The following MIER2 variants were observed in gnomAD, a reference collection of about 807,000 sequenced individuals.
MIER2 encodes the protein mesoderm induction early response protein 2.
MIER2 carries 30 observed loss-of-function variants against 67.6 expected under a neutral mutation model. That is an observed-to-expected ratio of 0.44 (90% confidence interval 0.33 to 0.60). MIER2 has a LOEUF of 0.60. MIER2 is among the 20% of genes least tolerant of loss of function. The pLI, the probability that MIER2 is intolerant of heterozygous loss-of-function variation, is 0.02. For missense variants in MIER2, 702 were observed against 745.1 expected (o/e 0.94, Z 0.67); for synonymous variants, 372 against 312.6 (o/e 1.19, Z -2.00).
At chr19:340,966 G>A (rs1387300142) in intron 1 of MIER2, among the ~76,000 whole-genome samples, 3 of 152,196 alleles carry the variant, frequency 2.0e-5, no homozygotes, top group African/African-American at 4.8e-5. Flanking sequence ...GGCATCTCAC[G>A]CCTCCTGCCC....
intron 3 of MIER2, among the ~76,000 whole-genome samples, chr19:328,943 C>T (rs898462618): frequency 1.2e-4 from 18 of 152,168 alleles, no homozygotes; most frequent in Non-Finnish European, 2.5e-4. Flanking sequence ...AAATAAGGCA[C>T]GTAATTCCTG....
intron 5 of MIER2, 127 bp from the exon 6 acceptor site, chr19:326,725 G>C (rs1971769988): frequency 1.2e-5 from 9 of 764,074 alleles, no homozygotes; most frequent in Admixed American, 2.2e-5. Context: ...GCCAGACATT[G>C]GGTAAACAGA....
At chr19:307,569 T>C in intron 12 of MIER2, 33 bp from the exon 13 acceptor site, 2 of 1,479,632 alleles carry the variant, frequency 1.4e-6, no homozygotes, top group Non-Finnish European at 1.8e-6. Context: ...GGGTGGGGCC[T>C]GCCCACAGCC....
At chr19:331,349 C>G (rs182199897) in intron 3 of MIER2, among the ~76,000 whole-genome samples, 1 of 145,110 alleles carries the variant, frequency 6.9e-6, no homozygotes, top group Admixed American at 7.8e-5. Context: ...CAGAGTGAGA[C>G]TCTGTCCCCA....
At chr19:340,854 G>A (rs1265353917) in intron 1 of MIER2, among the ~76,000 whole-genome samples, 1 of 152,148 alleles carries the variant, frequency 6.6e-6, no homozygotes, top group Admixed American at 6.5e-5. Context: ...TGGTGGCAGA[G>A]GGCAAACAGA....
intron 2 of MIER2, among the ~76,000 whole-genome samples, chr19:335,483 G>A (rs1362133709): frequency 1.3e-5 from 2 of 152,228 alleles, no homozygotes; most frequent in Non-Finnish European, 2.9e-5. Flanking sequence ...AAACAGGGAT[G>A]GCACCGCCTT....
chr19:327,230 T>C lies in MIER2; in HGVS notation c.396A>G (p.Ser132=). The C allele has an allele frequency of 1.3e-6, 2 of 1,581,340 alleles. No individual in the cohort carries two copies. Among genetic ancestry groups the C allele is most frequent in the South Asian group, 2.3e-5 (2 of 85,394 alleles). The change falls in exon 5 of 14, where the codon TCA becomes TCG. Residue 132 remains serine, a synonymous_variant. Transcript: ENST00000264819. ...DKEQIAKDLL[S]GEEEEETQSS... is the part of the protein sequence containing the mutation. Reference sequence around the variant, plus strand: ...ATTGCGTCTCTTCCTCTTCTTCCCCTGAAAGCAAATCCTTCGCTATTTGTT... The same window carrying C: ...ATTGCGTCTCTTCCTCTTCTTCCCCCGAAAGCAAATCCTTCGCTATTTGTT...
intron 10 of MIER2, among the ~76,000 whole-genome samples, chr19:310,654 AAC>A (rs1225607089): frequency 8.7e-5 from 13 of 149,172 alleles, no homozygotes; most frequent in African/African-American, 2.2e-4. Context: ...AGAGTCCAGA[AAC>A]ACAGCCCGAA....
intron 10 of MIER2, 111 bp from the exon 11 acceptor site, chr19:309,036 A>C (rs1600108120): frequency 4.2e-6 from 6 of 1,438,456 alleles, no homozygotes; most frequent in East Asian, 4.7e-5. Context: ...GGAGCACAGC[A>C]CCCACCACTC....
intron 3 of MIER2, 35 bp from the exon 4 acceptor site, chr19:328,024 G>A (rs764138166): frequency 1.9e-6 from 3 of 1,609,386 alleles, no homozygotes; most frequent in Admixed American, 3.4e-5. Flanking sequence ...CCCATCAGGA[G>A]GGACGGCTCT....
Position 313,462 on chromosome 19 carries a change from C to A in MIER2, c.807+30G>T, listed in dbSNP as rs768535045. On this transcript the variant is annotated intron_variant, in intron 8 of 13. Coordinates refer to ENST00000264819, the MANE Select transcript of MIER2 (RefSeq NM_017550.3). ...TGGCCCACGCCACGGCAGCCCTCAG[C>A]CCCTCTGTCCCCGGCATGGCAGCCC... The A allele has an allele frequency of 1.3e-5, 21 of 1,602,238 alleles. No individual in the cohort carries two copies. The Admixed American group carries it at 2.3e-4, about 18-fold the overall frequency.
chr19:326,544 G>T lies in MIER2; in HGVS notation c.548C>A (p.Thr183Asn). The change falls in exon 6 of 14, where the codon ACC becomes AAC. Residue 183 changes from threonine (T) to asparagine (N), a missense_variant. Physicochemically the swap from Thr to Asn is moderately conservative, Grantham distance 65. Transcript: ENST00000264819. ...GTTGGCAGGAAGAGAGTCCTCCTCG[G>T]TGTCGGAGGAGGCAGAAGAGCCAGG... ...REPGSSASSD[T>N]EEDSLPANKC... 1 of 1,614,100 alleles carries T rather than the reference G, an allele frequency of 6.2e-7. No individual in the cohort carries two copies. Among genetic ancestry groups the T allele is most frequent in the Non-Finnish European group, 8.5e-7 (1 of 1,179,944 alleles).
chr19:321,490 C>T (rs1971500491), intron 7 of MIER2, among the ~76,000 whole-genome samples: 1 of 151,970 alleles, frequency 6.6e-6, no homozygotes, highest in South Asian at 2.1e-4. Context: ...GCTAAAAATA[C>T]AAAAATGAGC....
At chr19:323,277 C>T (rs181610139) in intron 7 of MIER2, among the ~76,000 whole-genome samples, 23 of 134,686 alleles carry the variant, frequency 1.7e-4, no homozygotes, top group Admixed American at 1.3e-3. Context: ...CACACAACCA[C>T]GGCATCCAAA....
intron 1 of MIER2, among the ~76,000 whole-genome samples, 200 bp from the exon 2 acceptor site, chr19:336,373 A>G (rs546375093): frequency 6.6e-6 from 1 of 152,348 alleles, no homozygotes; most frequent in South Asian, 2.1e-4. Flanking sequence ...CCTCCCACCA[A>G]GGACCGCTCA....
intron 3 of MIER2, among the ~76,000 whole-genome samples, chr19:332,141 T>G (rs1258074503): frequency 6.6e-6 from 1 of 152,146 alleles, no homozygotes; most frequent in Non-Finnish European, 1.5e-5. Flanking sequence ...TTATTCAGCC[T>G]CCTGAGTAGC....
In MIER2 at chr19:331,424, T is replaced by G. The variant is rs554823708; in HGVS notation, c.243+2976A>C. Among the ~76,000 whole-genome samples the G allele has an allele frequency of 4.0e-5, 6 of 150,830 alleles. No homozygotes were observed. In the East Asian group the frequency reaches 1.2e-3, roughly 29 times the overall value. On this transcript the variant is annotated intron_variant, in intron 3 of 13. Coordinates refer to ENST00000264819, the MANE Select transcript of MIER2 (RefSeq NM_017550.3). ...GGCTCACACCTATACTCCCAACACTTTGGGAGACCTAGGTAGAAAAATTGC... is the reference window on the plus strand; with the variant it reads ...GGCTCACACCTATACTCCCAACACTGTGGGAGACCTAGGTAGAAAAATTGC...
intron 7 of MIER2, among the ~76,000 whole-genome samples, chr19:320,797 T>C (rs897216857): frequency 6.6e-6 from 1 of 152,200 alleles, no homozygotes; most frequent in African/African-American, 2.4e-5. Flanking sequence ...CAAAAAAGGT[T>C]GGGAGCCACT....
At chr19:343,189 G>A (rs1198325129) in intron 1 of MIER2, among the ~76,000 whole-genome samples, 3 of 152,202 alleles carry the variant, frequency 2.0e-5, no homozygotes, top group African/African-American at 4.8e-5. Flanking sequence ...GCACATTTAC[G>A]GAGCTCAGCC....
Sources: allele counts gnomAD v4.1 joint callset (sites outside exome capture counted in the v4.1 genomes callset), GRCh38; gene constraint gnomAD v4.1.1; transcripts MANE v1.5; gene names NCBI Gene and HGNC (gene_info 2026-07-23, HGNC 2026-07-21).